The following NR6A1 variants were observed in gnomAD, a reference collection of about 807,000 sequenced individuals.
NR6A1 encodes retinoic acid receptor-related testis-associated receptor.
In NR6A1, 7 loss-of-function variants were observed where a neutral mutation model predicts 59.1. The observed-to-expected ratio is 0.12, with a 90% CI of 0.07 to 0.22. The LOEUF is 0.22. Ranked by LOEUF, NR6A1 falls within the 10% of genes least tolerant of loss-of-function variation. The probability of loss-of-function intolerance (pLI) is 1.00; values close to 1 mark genes in which losing one functional copy is unlikely to be tolerated. For synonymous variants in NR6A1, 243 were observed against 236.1 expected, an observed-to-expected ratio of 1.03 and a Z score of -0.27; for missense variants, 468 against 611.6, an observed-to-expected ratio of 0.77 and a Z score of 2.48.
intron 1 of NR6A1, among the ~76,000 whole-genome samples, chr9:124,735,560 A>T (rs187698568): frequency 1.8e-4 from 27 of 152,344 alleles, no homozygotes; most frequent in Middle Eastern, 6.8e-3. Flanking sequence ...GTCTAGTCTG[A>T]ATAGTGTGTG....
At chr9:124,643,926 G>GA (rs1391630396) in intron 2 of NR6A1, among the ~76,000 whole-genome samples, 1 of 151,884 alleles carries the variant, frequency 6.6e-6, no homozygotes, top group Non-Finnish European at 1.5e-5. Flanking sequence ...TTTTGAGACG[G>GA]AGTCTCACTC....
At chr9:124,542,339 G>A (rs887336527) in intron 4 of NR6A1, among the ~76,000 whole-genome samples, 2 of 152,212 alleles carry the variant, frequency 1.3e-5, no homozygotes, top group African/African-American at 4.8e-5. Flanking sequence ...TTGAATGTAC[G>A]CTGTGCTCAT....
rs1210299449 is a variant in NR6A1, at chr9:124,553,935, G to C, written c.385+393C>G. On this transcript the variant is annotated intron_variant, in intron 3 of 9. Coordinates refer to ENST00000487099, the MANE Select transcript of NR6A1 (RefSeq NM_033334.4). Reference sequence around the variant, plus strand: ...AGACACAGACTTCTGAGCATGCCTAGCCTCTGAGTACACCGTGGTTCTAGC... The same window carrying C: ...AGACACAGACTTCTGAGCATGCCTACCCTCTGAGTACACCGTGGTTCTAGC... Among the ~76,000 whole-genome samples, 24 of 152,052 alleles carry C rather than the reference G, an allele frequency of 1.6e-4. 1 individual carries two copies. Among genetic ancestry groups the C allele is most frequent in the Admixed American group, 1.6e-3 (24 of 15,260 alleles).
chr9:124,717,972 T>C (rs1179402436), intron 2 of NR6A1, among the ~76,000 whole-genome samples: 2 of 152,254 alleles, frequency 1.3e-5, no homozygotes, highest in African/African-American at 4.8e-5. Flanking sequence ...TTTTGTCTTG[T>C]ATTTCCACAA....
chr9:124,660,614 C>T (rs1407484319), intron 2 of NR6A1, among the ~76,000 whole-genome samples: 1 of 128,644 alleles, frequency 7.8e-6, no homozygotes, highest in African/African-American at 3.1e-5. Context: ...CAGGAAATTA[C>T]AGGCTCGATG....
intron 2 of NR6A1, among the ~76,000 whole-genome samples, chr9:124,593,127 G>A (rs762312116): frequency 1.2e-4 from 19 of 152,144 alleles, no homozygotes; most frequent in Non-Finnish European, 1.8e-4. Flanking sequence ...CATATAACAT[G>A]TATTAAGATG....
At chr9:124,564,147 TAA>T (rs1322710163) in intron 2 of NR6A1, among the ~76,000 whole-genome samples, 2 of 152,166 alleles carry the variant, frequency 1.3e-5, no homozygotes, top group African/African-American at 2.4e-5. Context: ...TGCTTTAATT[TAA>T]AAAAGTCTTT....
At chr9:124,566,789 C>T (rs1588672000) in intron 2 of NR6A1, among the ~76,000 whole-genome samples, 1 of 152,116 alleles carries the variant, frequency 6.6e-6, no homozygotes, top group Non-Finnish European at 1.5e-5. Context: ...AAGCTGAGTG[C>T]GGGGCAAAAG....
chr9:124,720,569 T>A (rs1325464142), intron 2 of NR6A1, among the ~76,000 whole-genome samples: 2 of 152,216 alleles, frequency 1.3e-5, no homozygotes, highest in African/African-American at 4.8e-5. Flanking sequence ...TGGTTCACAA[T>A]GACTGTCGGC....
intron 2 of NR6A1, among the ~76,000 whole-genome samples, chr9:124,684,276 T>C (rs1031435634): frequency 3.3e-5 from 5 of 152,198 alleles, no homozygotes; most frequent in African/African-American, 1.2e-4. Flanking sequence ...GCAGGTGTTC[T>C]CTAAGCTCTA....
intron 2 of NR6A1, among the ~76,000 whole-genome samples, chr9:124,572,107 A>T (rs1275037425): frequency 6.6e-6 from 1 of 152,208 alleles, no homozygotes; most frequent in Admixed American, 6.5e-5. Context: ...AGTATGGAGA[A>T]ACTGAGGCTA....
chr9:124,519,261 AG>A lies in NR6A1; in HGVS notation c.*3443del, dbSNP rs1038073256. 2 of 152,254 alleles carry A rather than the reference AG, an allele frequency of 1.3e-5. No homozygotes were observed. Among genetic ancestry groups the A allele is most frequent in the Non-Finnish European group, 2.9e-5 (2 of 68,060 alleles). The allele number at this position is 152,254 out of a possible 1,614,324, so 9.4% of individuals were successfully genotyped here. On this transcript the variant is annotated 3_prime_UTR_variant, in exon 10 of 10. Coordinates refer to ENST00000487099, the MANE Select transcript of NR6A1 (RefSeq NM_033334.4). ...TTGCTCTGGTTCTGGGAAACAGGACAGGGAGGATCCTGCTTACTTCCTCCTA... is the reference window on the plus strand; with the variant it reads ...TTGCTCTGGTTCTGGGAAACAGGACAGGAGGATCCTGCTTACTTCCTCCTA...
At chr9:124,603,587 C>T (rs1835504605) in intron 2 of NR6A1, among the ~76,000 whole-genome samples, 1 of 152,138 alleles carries the variant, frequency 6.6e-6, no homozygotes, top group African/African-American at 2.4e-5. Context: ...TGTAGAACCA[C>T]CTGTTGCTGA....
intron 2 of NR6A1, among the ~76,000 whole-genome samples, chr9:124,666,660 C>G (rs1249794327): frequency 6.6e-6 from 1 of 152,164 alleles, no homozygotes; most frequent in Non-Finnish European, 1.5e-5. Flanking sequence ...AGAAAAATTC[C>G]TTTTGCCTGG....
chr9:124,581,497 C>G (rs1454783997), intron 2 of NR6A1, among the ~76,000 whole-genome samples: 1 of 152,066 alleles, frequency 6.6e-6, no homozygotes, highest in Non-Finnish European at 1.5e-5. Context: ...GAGGCTGACA[C>G]AGGAGAATCA....
In NR6A1 at chr9:124,521,520, G is replaced by T. The variant is rs1336618312; in HGVS notation, c.*1185C>A. On this transcript the variant is annotated 3_prime_UTR_variant, in exon 10 of 10. Transcript: ENST00000487099. ...GGAGAGAAAAGGAGAACTTGGAGAA[G>T]AACTTAGGGGCAACATTTCTGGTCA... is the stretch of plus-strand genomic sequence containing the variant. 6.6e-6 allele frequency: 1 copy of T among 152,374 alleles called. No individual in the cohort carries two copies. The highest frequency in any genetic ancestry group is 1.5e-5 in the Non-Finnish European group (1 of 68,182). 9.4% of individuals were successfully genotyped at this position (152,374 alleles called of 1,614,324 possible).
chr9:124,763,334 G>A (rs1457303242), intron 1 of NR6A1, among the ~76,000 whole-genome samples: 1 of 152,170 alleles, frequency 6.6e-6, no homozygotes, highest in Non-Finnish European at 1.5e-5. Flanking sequence ...TCTGGTAAGG[G>A]ACCAACAGTT....
intron 1 of NR6A1, among the ~76,000 whole-genome samples, chr9:124,754,598 GA>G (rs1840589194): frequency 1.3e-5 from 2 of 151,932 alleles, no homozygotes; most frequent in South Asian, 2.1e-4. Context: ...AAACAAAAAG[GA>G]AAAAAATGGT....
rs1277568247 is a variant in NR6A1, at chr9:124,517,454, CAGCT to C, written c.*5247_*5250del. ...GGCCTGGGTAGCCTGCAGAGCCCGC[CAGCT>C]ATCATTTGGTCATGGAGGGTTGATG... On this transcript the variant is annotated 3_prime_UTR_variant, in exon 10 of 10. Transcript: ENST00000487099. The C allele has an allele frequency of 6.6e-6, 1 of 152,262 alleles. No individual in the cohort carries two copies. The highest frequency in any genetic ancestry group is 2.4e-5 in the African/African-American group (1 of 41,470). 9.4% of individuals were successfully genotyped at this position (152,262 alleles called of 1,614,324 possible). A position where few individuals can be genotyped will look rare whatever the true frequency, so the allele number is the denominator to read the frequency against.
Sources: allele counts gnomAD v4.1 joint callset (sites outside exome capture counted in the v4.1 genomes callset), GRCh38; gene constraint gnomAD v4.1.1; transcripts MANE v1.5; gene names NCBI Gene and HGNC (gene_info 2026-07-23, HGNC 2026-07-21).